MIER1: variants seen among roughly 807,000 people sequenced by gnomAD.
MIER1 encodes the protein MIER1 transcriptional regulator, also known as mesoderm induction early response protein 1.
A neutral mutation model predicts 75.7 loss-of-function variants in MIER1; 40 were observed. The ratio of observed to expected loss-of-function variants is 0.53; its 90% confidence interval spans 0.41 to 0.69. The LOEUF is 0.69. Among genes scored for constraint, MIER1 ranks in the 30% least tolerant of loss-of-function variants. MIER1 has a pLI of 0.00. For synonymous variants in MIER1, 213 were observed against 223.4 expected (o/e 0.95, Z 0.42); for missense variants, 574 against 680.2 (o/e 0.84, Z 1.74).
chr1:66,939,688 A>G (rs887991666), intron 2 of MIER1, among the ~76,000 whole-genome samples: 1 of 152,138 alleles, frequency 6.6e-6, no homozygotes, highest in Non-Finnish European at 1.5e-5. Context: ...ATAGGAGAAA[A>G]TCTATTTCAG....
At chr1:66,970,723 C>G in intron 8 of MIER1, 85 bp from the exon 9 acceptor site, 1 of 1,062,322 alleles carries the variant, frequency 9.4e-7, no homozygotes, top group East Asian at 2.8e-5. Context: ...ACATTTGGCT[C>G]TGAGTTGTTT....
chr1:66,943,296 C>T (rs947027830), intron 3 of MIER1, among the ~76,000 whole-genome samples: 7 of 152,106 alleles, frequency 4.6e-5, no homozygotes, highest in African/African-American at 1.7e-4. Flanking sequence ...TGTCCATTGC[C>T]TCAAGCAGTA....
At chr1:66,957,960 C>T in intron 4 of MIER1, 99 bp from the exon 5 acceptor site, 2 of 615,370 alleles carry the variant, frequency 3.3e-6, no homozygotes, top group Non-Finnish European at 5.2e-6. Flanking sequence ...AGCTTTTATT[C>T]TTCACTATAG....
intron 1 of MIER1, 47 bp from the exon 2 acceptor site, chr1:66,926,095 A>G (rs764598729): frequency 1.4e-6 from 2 of 1,454,914 alleles, no homozygotes; most frequent in South Asian, 2.3e-5. Flanking sequence ...AGCTTGTATC[A>G]TCGTTTCTGT....
At chr1:66,930,112 C>T in intron 2 of MIER1, 1 of 906,500 alleles carries the variant, frequency 1.1e-6, no homozygotes, top group Non-Finnish European at 1.4e-6. Flanking sequence ...CTCCGCTCTT[C>T]CCGGGGAGGG....
chr1:66,932,041 A>G (rs1653533309), intron 2 of MIER1, among the ~76,000 whole-genome samples: 1 of 152,220 alleles, frequency 6.6e-6, no homozygotes. Flanking sequence ...AAAAACTTAA[A>G]TTTAAAATTT....
At position 66,930,542 on chromosome 1, in the gene MIER1, CT is replaced by C. The variant is rs1355221486; in HGVS notation, c.168+4301del. The C allele has an allele frequency of 2.1e-4, 171 of 818,890 alleles. 2 individuals are homozygous for C. The East Asian group carries it at 3.5e-3, about 17-fold the overall frequency. The allele number at this position is 818,890 out of a possible 1,614,324, so 50.7% of individuals were successfully genotyped here. On this transcript the variant is annotated intron_variant, in intron 2 of 13. Coordinates refer to ENST00000401041, the MANE Select transcript of MIER1 (RefSeq NM_001077700.3). ...CCTGTTGTCCGGAACAGGCCATTCTCTGGGCGGGAGCTTCGCCTGGAACTTA... is the reference window on the plus strand; with the variant it reads ...CCTGTTGTCCGGAACAGGCCATTCTCGGGCGGGAGCTTCGCCTGGAACTTA...
intron 3 of MIER1, among the ~76,000 whole-genome samples, chr1:66,942,230 A>G (rs1163469398): frequency 2.0e-5 from 3 of 152,220 alleles, no homozygotes; most frequent in Admixed American, 6.5e-5. Context: ...TGAAAAGGCT[A>G]TATCCTTTGT....
chr1:66,927,215 AATG>A (rs1467935266), intron 2 of MIER1, among the ~76,000 whole-genome samples: 16 of 152,292 alleles, frequency 1.1e-4, no homozygotes. Flanking sequence ...TGAGTAGCTT[AATG>A]TCATAAAAAT....
At chr1:66,976,536 A>G in intron 11 of MIER1, 59 bp from the exon 12 acceptor site, 3 of 1,489,030 alleles carry the variant, frequency 2.0e-6, no homozygotes, top group Non-Finnish European at 2.7e-6. Context: ...TCAGATGTTT[A>G]TCATGAAGTA....
At chr1:66,933,882 C>A (rs1165481208) in intron 2 of MIER1, among the ~76,000 whole-genome samples, 1 of 152,042 alleles carries the variant, frequency 6.6e-6, no homozygotes, top group Admixed American at 6.6e-5. Context: ...CTAAATAATT[C>A]AGAAATAAAA....
At chr1:66,973,866 T>C (rs1213580778) in intron 11 of MIER1, among the ~76,000 whole-genome samples, 2 of 152,130 alleles carry the variant, frequency 1.3e-5, no homozygotes, top group Non-Finnish European at 2.9e-5. Flanking sequence ...TTCTAAGTTT[T>C]GTGTCGTAGC....
chr1:66,971,832 A>AT lies in MIER1; in HGVS notation c.1006+101dup, dbSNP rs1663664484. The AT allele has an allele frequency of 8.4e-6, 5 of 596,188 alleles. No individual in the cohort carries two copies. The South Asian group carries it at 1.1e-4, about 13-fold the overall frequency. 36.9% of individuals were successfully genotyped at this position (596,188 alleles called of 1,614,324 possible). On this transcript the variant is annotated intron_variant, in intron 10 of 13. Transcript: ENST00000401041. ...GTATAGCCTAAACTTAATAATACTGATTTTTCTGAGTTTGATAAATATTTA... is the reference window on the plus strand; with the variant it reads ...GTATAGCCTAAACTTAATAATACTGATTTTTTCTGAGTTTGATAAATATTTA...
chr1:66,943,312 A>T (rs778387731), intron 3 of MIER1, among the ~76,000 whole-genome samples: 12 of 152,196 alleles, frequency 7.9e-5, no homozygotes, highest in Non-Finnish European at 1.5e-4. Context: ...CAGTACTAAG[A>T]TGCACTGCTA....
At chr1:66,934,595 A>G (rs1330406362) in intron 2 of MIER1, among the ~76,000 whole-genome samples, 2 of 144,768 alleles carry the variant, frequency 1.4e-5, no homozygotes, top group Admixed American at 1.4e-4. Context: ...TTGTGGAGAC[A>G]GGGTCTCGAT....
intron 13 of MIER1, among the ~76,000 whole-genome samples, chr1:66,983,813 C>T (rs577921366): frequency 3.3e-5 from 5 of 152,250 alleles, no homozygotes; most frequent in African/African-American, 9.6e-5. Flanking sequence ...CTGCAACCTC[C>T]GCCTCCTGGG....
In MIER1 at chr1:66,988,154, C is replaced by T. The variant is rs1667017747; in HGVS notation, c.*3254C>T. The T allele has an allele frequency of 6.6e-6, 1 of 152,070 alleles. No homozygotes were observed. The highest frequency in any genetic ancestry group is 1.9e-4 in the East Asian group (1 of 5,332). The allele number at this position is 152,070 out of a possible 1,614,324, so 9.4% of individuals were successfully genotyped here. ...ATACCAAATCAGATAGTAAGGTTTTCCCAACTATAATCCATATTCATGAAA... is the reference window on the plus strand; with the variant it reads ...ATACCAAATCAGATAGTAAGGTTTTTCCAACTATAATCCATATTCATGAAA... On this transcript the variant is annotated 3_prime_UTR_variant, in exon 14 of 14. Coordinates refer to ENST00000401041, the MANE Select transcript of MIER1 (RefSeq NM_001077700.3).
intron 2 of MIER1, among the ~76,000 whole-genome samples, chr1:66,939,432 C>T (rs755098154): frequency 2.6e-5 from 4 of 152,096 alleles, no homozygotes; most frequent in Admixed American, 6.5e-5. Flanking sequence ...ATAACCTAAA[C>T]TTTCTAGGCA....
intron 12 of MIER1, among the ~76,000 whole-genome samples, chr1:66,977,000 T>C (rs1188031274): frequency 1.3e-5 from 2 of 152,230 alleles, no homozygotes; most frequent in Non-Finnish European, 2.9e-5. Flanking sequence ...AAGCAAGATT[T>C]AGAATGTATA....
Sources: allele counts gnomAD v4.1 joint callset (sites outside exome capture counted in the v4.1 genomes callset), GRCh38; gene constraint gnomAD v4.1.1; transcripts MANE v1.5; gene names NCBI Gene and HGNC (gene_info 2026-07-23, HGNC 2026-07-21).